The following WDR7 variants were observed in gnomAD, a reference collection of about 807,000 sequenced individuals.
WDR7 encodes WD repeat domain 7.
A neutral mutation model predicts 169.4 loss-of-function variants in WDR7; 46 were observed. The observed-to-expected ratio is 0.27, with a 90% CI of 0.21 to 0.35. The LOEUF (loss-of-function observed/expected upper bound fraction) is 0.35, where lower values mean the gene tolerates loss of function less well. WDR7 is among the 10% of genes least tolerant of loss of function. The probability of loss-of-function intolerance (pLI) is 1.00; values close to 1 mark genes in which losing one functional copy is unlikely to be tolerated. For synonymous variants in WDR7, 612 were observed against 666.8 expected, an observed-to-expected ratio of 0.92 and a Z score of 1.27; for missense variants, 1,534 against 1,859.3, an observed-to-expected ratio of 0.83 and a Z score of 3.22.
At chr18:56,860,140 C>T (rs2045782209) in intron 20 of WDR7, among the ~76,000 whole-genome samples, 1 of 152,150 alleles carries the variant, frequency 6.6e-6, no homozygotes, top group Non-Finnish European at 1.5e-5. Context: ...AGCCCATCGC[C>T]TCTGCTGACT....
At chr18:56,808,091 C>T (rs929506566) in intron 19 of WDR7, among the ~76,000 whole-genome samples, 11 of 152,068 alleles carry the variant, frequency 7.2e-5, no homozygotes, top group African/African-American at 1.7e-4. Context: ...ACTAGGGAAC[C>T]GGCTGTGGAT....
chr18:56,678,922 GTC>G (rs1404083826), intron 2 of WDR7, among the ~76,000 whole-genome samples: 9 of 152,378 alleles, frequency 5.9e-5, no homozygotes, highest in African/African-American at 2.2e-4. Flanking sequence ...CACAAATGGA[GTC>G]TCTCTCTCTG....
intron 26 of WDR7, among the ~76,000 whole-genome samples, chr18:57,014,327 C>A: frequency 7.0e-5 from 5 of 71,270 alleles, no homozygotes; most frequent in African/African-American, 8.7e-5. Context: ...AGTAAGACTC[C>A]ATCTCAAAAA....
intron 20 of WDR7, among the ~76,000 whole-genome samples, chr18:56,839,740 T>G (rs2045451603): frequency 6.6e-6 from 1 of 152,160 alleles, no homozygotes; most frequent in Non-Finnish European, 1.5e-5. Context: ...ATATTTTAAA[T>G]CATGGGGTGA....
chr18:56,972,320 A>G (rs2047500266), intron 26 of WDR7, among the ~76,000 whole-genome samples: 1 of 152,190 alleles, frequency 6.6e-6, no homozygotes, highest in Non-Finnish European at 1.5e-5. Context: ...GACCTTAGGG[A>G]TCTTGTGGAC....
intron 26 of WDR7, among the ~76,000 whole-genome samples, chr18:57,020,479 A>G (rs1164868779): frequency 6.6e-6 from 1 of 152,220 alleles, no homozygotes; most frequent in Non-Finnish European, 1.5e-5. Context: ...GCCTATTAAT[A>G]TATGCTTTTT....
intron 13 of WDR7, among the ~76,000 whole-genome samples, chr18:56,730,960 T>C (rs2026572051): frequency 6.6e-6 from 1 of 152,160 alleles, no homozygotes; most frequent in African/African-American, 2.4e-5. Flanking sequence ...GCTTCAGCAA[T>C]TATTCAATGA....
chr18:56,660,855 G>C (rs1186154601), intron 1 of WDR7, among the ~76,000 whole-genome samples: 1 of 152,152 alleles, frequency 6.6e-6, no homozygotes, highest in Non-Finnish European at 1.5e-5. Context: ...ACAGTGGGGA[G>C]GTCATTGGTG....
intron 27 of WDR7, among the ~76,000 whole-genome samples, 179 bp from the exon 28 acceptor site, chr18:57,026,825 C>T (rs907941958): frequency 6.6e-6 from 1 of 152,196 alleles, no homozygotes; most frequent in Non-Finnish European, 1.5e-5. Context: ...TTTACCATAA[C>T]AGCATCGGAA....
At chr18:56,973,993 A>G (rs1162270159) in intron 26 of WDR7, among the ~76,000 whole-genome samples, 1 of 152,152 alleles carries the variant, frequency 6.6e-6, no homozygotes, top group African/African-American at 2.4e-5. Context: ...CATCTCTTTT[A>G]TGGTGGGACC....
At chr18:56,771,344 A>T (rs536498197) in intron 16 of WDR7, among the ~76,000 whole-genome samples, 2 of 152,172 alleles carry the variant, frequency 1.3e-5, no homozygotes, top group Non-Finnish European at 2.9e-5. Flanking sequence ...GTAAAGAGTA[A>T]AAATGTTATT....
Position 56,965,514 on chromosome 18 carries a change from G to A in WDR7, c.4164+2985G>A, listed in dbSNP as rs1222184759. ...TTATGCAAAACCACAGGATAAGTAT[G>A]GCATGTTGGCCTGAAATATGAATTG... On this transcript the variant is annotated intron_variant, in intron 26 of 27. Coordinates refer to ENST00000254442, the MANE Select transcript of WDR7 (RefSeq NM_015285.3). 2.7e-5 allele frequency among the ~76,000 whole-genome samples: 4 copies of A among 150,922 alleles called. No homozygotes were observed. In the East Asian group the frequency reaches 7.8e-4, roughly 29 times the overall value.
rs112194525 is a variant in WDR7, at chr18:57,024,796, T to A, written c.4270-2208T>A. On this transcript the variant is annotated intron_variant, in intron 27 of 27. Transcript: ENST00000254442. ...GTTATGTCCCTTATAGAATTTCACA[T>A]ATCCCTATTCTCAGACAGGAATAGG... Among the ~76,000 whole-genome samples, 598 of 92,726 alleles carry A rather than the reference T, an allele frequency of 6.4e-3. 14 individuals are homozygous for A. Among genetic ancestry groups the A allele is most frequent in the African/African-American group, 1.0e-2 (279 of 27,994 alleles). The allele number at this position is 92,726 out of a possible 152,430, so 60.8% of individuals were successfully genotyped here. A position where few individuals can be genotyped will look rare whatever the true frequency, so the allele number is the denominator to read the frequency against.
At chr18:56,987,575 T>C (rs1300668331) in intron 26 of WDR7, among the ~76,000 whole-genome samples, 1 of 152,216 alleles carries the variant, frequency 6.6e-6, no homozygotes, top group Non-Finnish European at 1.5e-5. Flanking sequence ...CTATATTTTG[T>C]CCACAAATAT....
Position 56,757,248 on chromosome 18 carries a change from C to G in WDR7, c.2655C>G (p.Ala885=). The part of the protein sequence containing the change: ...VGKGTYGVSR[A]VTTQHLLSII... ...AGGGAACTTACGGAGTGTCCCGTGC[C>G]GTCACCACACAGCATCTCCTGTCTA... Residue 885 remains alanine, a synonymous_variant, in exon 15 of 28, where the codon GCC becomes GCG. Transcript: ENST00000254442. 1 of 1,614,080 alleles carries G rather than the reference C, an allele frequency of 6.2e-7. No individual in the cohort carries two copies. Among genetic ancestry groups the G allele is most frequent in the Non-Finnish European group, 8.5e-7 (1 of 1,180,016 alleles).
chr18:56,800,819 G>C (rs2044660502), intron 19 of WDR7, among the ~76,000 whole-genome samples: 1 of 152,110 alleles, frequency 6.6e-6, no homozygotes, highest in African/African-American at 2.4e-5. Context: ...CTGCTCATCT[G>C]TATTTTCCCT....
chr18:56,694,580 A>G, intron 9 of WDR7, 39 bp from the exon 10 acceptor site: 1 of 1,546,690 alleles, frequency 6.5e-7, no homozygotes, highest in Non-Finnish European at 8.7e-7. Flanking sequence ...ATTTTGATTA[A>G]AAATACAGCT....
intron 14 of WDR7, among the ~76,000 whole-genome samples, chr18:56,743,629 A>G (rs2043654260): frequency 6.6e-6 from 1 of 152,256 alleles, no homozygotes; most frequent in South Asian, 2.1e-4. Context: ...GAGAAGGTTC[A>G]CTGTGGAGAG....
At chr18:56,965,140 A>G (rs1302437926) in intron 26 of WDR7, among the ~76,000 whole-genome samples, 11 of 152,192 alleles carry the variant, frequency 7.2e-5, no homozygotes, top group African/African-American at 2.4e-4. Flanking sequence ...AGTATGAACA[A>G]AGACACAGCG....
Sources: gnomAD v4.1 joint callset for allele counts (sites outside exome capture counted in the v4.1 genomes callset) on GRCh38, gnomAD v4.1.1 for gene constraint, MANE v1.5 for transcripts, NCBI Gene and HGNC (gene_info 2026-07-23, HGNC 2026-07-21) for gene names.